ARMC9: variants seen among roughly 807,000 people sequenced by gnomAD.
The protein encoded by ARMC9 is lisH domain-containing protein ARMC9.
ARMC9 carries 94 observed loss-of-function variants against 107.0 expected under a neutral mutation model. The observed-to-expected ratio is 0.88, with a 90% CI of 0.74 to 1.04. The LOEUF (loss-of-function observed/expected upper bound fraction) is 1.04, where lower values mean the gene tolerates loss of function less well. Among genes scored for constraint, ARMC9 ranks in the 50% least tolerant of loss-of-function variants. The pLI, the probability that ARMC9 is intolerant of heterozygous loss-of-function variation, is 0.00. For synonymous variants in ARMC9, 380 were observed against 396.9 expected, an observed-to-expected ratio of 0.96 and a Z score of 0.51; for missense variants, 942 against 1,030.1, an observed-to-expected ratio of 0.91 and a Z score of 1.17.
intron 20 of ARMC9, among the ~76,000 whole-genome samples, chr2:231,340,715 C>T (rs2044444446): frequency 6.6e-6 from 1 of 151,992 alleles, no homozygotes; most frequent in Non-Finnish European, 1.5e-5. Flanking sequence ...AGTGAAACCC[C>T]GTCTCTACTA....
chr2:231,343,935 T>G (rs1452696287), intron 20 of ARMC9, among the ~76,000 whole-genome samples: 5 of 152,202 alleles, frequency 3.3e-5, no homozygotes, highest in African/African-American at 1.2e-4. Flanking sequence ...TGTACATTAT[T>G]ATAACCTGAT....
intron 19 of ARMC9, among the ~76,000 whole-genome samples, chr2:231,329,101 G>A (rs536073950): frequency 5.9e-5 from 9 of 152,026 alleles, no homozygotes; most frequent in East Asian, 3.9e-4. Flanking sequence ...GATTACAGGC[G>A]TGAGCCACCG....
At chr2:231,366,838 T>TCAAAA (rs200483408) in intron 23 of ARMC9, among the ~76,000 whole-genome samples, 26,089 of 150,220 alleles carry the variant, frequency 0.17, 5,547 homozygotes, top group African/African-American at 0.51. Flanking sequence ...AGACTCTGTC[T>TCAAAA]CAAAACAAAA....
At chr2:231,267,661 G>A (rs13418346) in intron 12 of ARMC9, among the ~76,000 whole-genome samples, 79,152 of 151,998 alleles carry the variant, frequency 0.52, 24,138 homozygotes, top group African/African-American at 0.85. Flanking sequence ...AAAACTGTTC[G>A]CAGCTAATCC....
chr2:231,314,172 C>T (rs371806985), intron 19 of ARMC9, among the ~76,000 whole-genome samples: 2 of 151,730 alleles, frequency 1.3e-5, no homozygotes, highest in African/African-American at 4.8e-5. Flanking sequence ...CTCCGCCTCA[C>T]AGGTTCAAGT....
chr2:231,238,507 G>A (rs1455141491), intron 8 of ARMC9, among the ~76,000 whole-genome samples: 2 of 152,058 alleles, frequency 1.3e-5, no homozygotes, highest in Non-Finnish European at 2.9e-5. Flanking sequence ...GTGCCACCAT[G>A]CCTGGCTAAT....
At chr2:231,257,863 T>C (rs11897387) in intron 10 of ARMC9, among the ~76,000 whole-genome samples, 79,413 of 152,090 alleles carry the variant, frequency 0.52, 24,268 homozygotes, top group African/African-American at 0.85. Flanking sequence ...CCAGTTTTTC[T>C]ATGCCCTCTA....
chr2:231,375,030 G>A lies in ARMC9; in HGVS notation c.*3495G>A, dbSNP rs996417676. Among the ~76,000 whole-genome samples the A allele has an allele frequency of 5.3e-5, 8 of 152,222 alleles. No homozygotes were observed. The highest frequency in any genetic ancestry group is 1.9e-4 in the African/African-American group (8 of 41,454). Reference sequence around the variant, plus strand: ...TATTTGGGGTGTGCTGTTCTAAGAAGTGATTAGGTTAGCTTTTGCATATTA... The same window carrying A: ...TATTTGGGGTGTGCTGTTCTAAGAAATGATTAGGTTAGCTTTTGCATATTA... On this transcript the variant is annotated 3_prime_UTR_variant, in exon 25 of 25. Coordinates refer to ENST00000611582, the MANE Select transcript of ARMC9 (RefSeq NM_001352754.2). This position sits in a 1 kb window ranked among gnomAD's most constrained non-coding sequence, Gnocchi z 4.3.
chr2:231,261,692 A>G (rs2038360442), intron 11 of ARMC9, among the ~76,000 whole-genome samples: 1 of 152,182 alleles, frequency 6.6e-6, no homozygotes, highest in African/African-American at 2.4e-5. Context: ...TTTATATAAG[A>G]AATGCTTCTC....
chr2:231,329,396 C>T (rs574951103), intron 19 of ARMC9, among the ~76,000 whole-genome samples: 14 of 152,072 alleles, frequency 9.2e-5, no homozygotes, highest in South Asian at 8.3e-4. Flanking sequence ...CTTCAACCTC[C>T]GCCTCCTGGG....
chr2:231,271,340 T>G (rs1429738891), intron 13 of ARMC9, among the ~76,000 whole-genome samples: 1 of 152,222 alleles, frequency 6.6e-6, no homozygotes, highest in East Asian at 1.9e-4. Context: ...CATAGTAACA[T>G]TTTATATTGC....
At chr2:231,277,052 G>A (rs536896318) in intron 15 of ARMC9, among the ~76,000 whole-genome samples, 1 of 152,238 alleles carries the variant, frequency 6.6e-6, no homozygotes, top group African/African-American at 2.4e-5. Flanking sequence ...TTATTCAGAG[G>A]TAGGAAATTA....
chr2:231,370,204 T>TATA, intron 24 of ARMC9, 79 bp downstream of exon 24: 1 of 1,409,440 alleles, frequency 7.1e-7, no homozygotes. Context: ...GCTGCTATAT[T>TATA]TGGCCCCGTG....
In ARMC9 at chr2:231,282,038, GT is replaced by G. The variant is rs374996479; in HGVS notation, c.1552-14del. ...GTATTTGAAAACTTGCAAATAACTG[GT>G]TTTTTTCCTCCCCTTAAAGATACAG... On this transcript the variant is annotated intron_variant, in intron 16 of 24. Coordinates refer to ENST00000611582, the MANE Select transcript of ARMC9 (RefSeq NM_001352754.2). The G allele has an allele frequency of 2.5e-6, 4 of 1,611,834 alleles. No homozygotes were observed. Among genetic ancestry groups the G allele is most frequent in the East Asian group, 2.2e-5 (1 of 44,866 alleles).
intron 21 of ARMC9, among the ~76,000 whole-genome samples, chr2:231,355,514 G>T (rs1375968962): frequency 6.6e-6 from 1 of 152,168 alleles, no homozygotes; most frequent in East Asian, 1.9e-4. Flanking sequence ...ATGGTCCCAT[G>T]TCACCCAGGG....
chr2:231,363,448 C>G (rs1236299610), intron 23 of ARMC9, among the ~76,000 whole-genome samples: 1 of 152,044 alleles, frequency 6.6e-6, no homozygotes, highest in Admixed American at 6.6e-5. Context: ...GGGCAGAGGT[C>G]TGGGTCAGTG....
intron 21 of ARMC9, 148 bp downstream of exon 21, chr2:231,345,238 A>G: frequency 1.4e-6 from 2 of 1,417,234 alleles, no homozygotes; most frequent in South Asian, 1.4e-5. Context: ...TTTGGAGGGA[A>G]AGAGGTTGAG....
chr2:231,287,558 C>T (rs1207999321), intron 17 of ARMC9, among the ~76,000 whole-genome samples: 1 of 151,568 alleles, frequency 6.6e-6, no homozygotes, highest in African/African-American at 2.4e-5. Flanking sequence ...TTGCTTTGCT[C>T]TCCTTCCTTT....
chr2:231,326,531 G>A (rs2043329394), intron 19 of ARMC9, among the ~76,000 whole-genome samples: 1 of 152,202 alleles, frequency 6.6e-6, no homozygotes, highest in Non-Finnish European at 1.5e-5. Context: ...ACAGCCTAGA[G>A]TAAGTCGAAT....
Sources: allele counts gnomAD v4.1 joint callset (sites outside exome capture counted in the v4.1 genomes callset), GRCh38; gene constraint gnomAD v4.1.1; non-coding constraint Gnocchi (gnomAD v3.1); transcripts MANE v1.5; gene names NCBI Gene and HGNC (gene_info 2026-07-23, HGNC 2026-07-21).